EYS: variants seen among roughly 807,000 people sequenced by gnomAD.
EYS encodes the protein EGF-like photoreceptor maintenance factor, also known as protein eyes shut homolog.
In EYS, 250 loss-of-function variants were observed where a neutral mutation model predicts 282.1. The observed-to-expected ratio is 0.89, with a 90% CI of 0.80 to 0.98. EYS has a LOEUF of 0.98. Ranked by LOEUF, EYS falls within the 50% of genes least tolerant of loss-of-function variation. EYS has a pLI of 0.00. For missense variants in EYS, 4,016 were observed against 3,709.0 expected (o/e 1.08, Z -2.15); for synonymous variants, 1,355 against 1,282.9 (o/e 1.06, Z -1.20).
At position 65,005,304 on chromosome 6, in the gene EYS, G is replaced by A. The variant is rs542144885; in HGVS notation, c.2138-7601C>T. On this transcript the variant is annotated intron_variant, in intron 13 of 42. Coordinates refer to ENST00000503581, the MANE Select transcript of EYS (RefSeq NM_001142800.2). ...TAATCGAGCTGAACGCTAGTCACTG[G>A]GTTCCACGGTTCTCTTCCATGACCC... Among the ~76,000 whole-genome samples the A allele has an allele frequency of 7.1e-4, 105 of 147,940 alleles. 2 individuals carry two copies. Among genetic ancestry groups the A allele is most frequent in the African/African-American group, 2.4e-3 (98 of 41,326 alleles).
intron 5 of EYS, among the ~76,000 whole-genome samples, chr6:65,458,954 T>C (rs1764723345): frequency 6.6e-6 from 1 of 152,086 alleles, no homozygotes; most frequent in African/African-American, 2.4e-5. Flanking sequence ...TGTCACAACT[T>C]TGTAATGTAC....
intron 15 of EYS, among the ~76,000 whole-genome samples, chr6:64,936,976 T>C (rs972556810): frequency 2.8e-4 from 42 of 151,606 alleles, no homozygotes; most frequent in African/African-American, 9.4e-4. Context: ...ATAAATAGAA[T>C]AGAGGGTCTA....
intron 26 of EYS, among the ~76,000 whole-genome samples, chr6:64,567,003 G>A (rs1765586484): frequency 6.6e-6 from 1 of 152,062 alleles, no homozygotes; most frequent in South Asian, 2.1e-4. Flanking sequence ...TTGAACTCCT[G>A]ACCTCAGGTG....
intron 13 of EYS, among the ~76,000 whole-genome samples, chr6:65,055,732 C>G (rs1027261287): frequency 1.3e-5 from 2 of 151,906 alleles, no homozygotes; most frequent in African/African-American, 4.8e-5. Flanking sequence ...TTTTTGATGA[C>G]TAGACTCAGA....
chr6:65,452,459 G>A (rs1286313234), intron 5 of EYS, among the ~76,000 whole-genome samples: 1 of 151,594 alleles, frequency 6.6e-6, no homozygotes, highest in Non-Finnish European at 1.5e-5. Context: ...CACTAAGGTA[G>A]GATTAATTAA....
chr6:65,271,761 T>C (rs1333549813), intron 12 of EYS, among the ~76,000 whole-genome samples: 1 of 151,958 alleles, frequency 6.6e-6, no homozygotes, highest in African/African-American at 2.4e-5. Context: ...TTTTTGTATT[T>C]TTAGTAGAGA....
intron 12 of EYS, among the ~76,000 whole-genome samples, chr6:65,200,334 G>T (rs1765871462): frequency 6.6e-6 from 1 of 151,626 alleles, no homozygotes; most frequent in East Asian, 1.9e-4. Flanking sequence ...AATGCAATCT[G>T]TTGGGCAGGA....
At chr6:64,748,044 C>A (rs1482522027) in intron 22 of EYS, among the ~76,000 whole-genome samples, 1 of 152,122 alleles carries the variant, frequency 6.6e-6, no homozygotes, top group African/African-American at 2.4e-5. Context: ...TAAATGTCAT[C>A]AAGAATACAG....
intron 2 of EYS, among the ~76,000 whole-genome samples, chr6:65,501,935 G>T (rs1766468985): frequency 6.6e-6 from 1 of 151,442 alleles, no homozygotes; most frequent in Non-Finnish European, 1.5e-5. Flanking sequence ...AACAGAGCTG[G>T]TTTTATAAAA....
At chr6:65,180,354 A>C (rs1197353189) in intron 12 of EYS, among the ~76,000 whole-genome samples, 1 of 152,174 alleles carries the variant, frequency 6.6e-6, no homozygotes, top group Non-Finnish European at 1.5e-5. Context: ...CAACTTCAGC[A>C]AAGTCTCAGG....
intron 1 of EYS, among the ~76,000 whole-genome samples, chr6:65,697,607 A>G (rs536285325): frequency 6.6e-6 from 1 of 152,268 alleles, no homozygotes; most frequent in Admixed American, 6.5e-5. Flanking sequence ...GCTTAAAAAT[A>G]GAAGAAAATA....
intron 12 of EYS, among the ~76,000 whole-genome samples, chr6:65,217,271 T>C (rs1339795607): frequency 2.0e-5 from 3 of 152,134 alleles, no homozygotes; most frequent in Middle Eastern, 3.2e-3. Context: ...TTAACCTGAA[T>C]AAATTTAAGA....
chr6:65,169,730 GC>G (rs1418786878), intron 12 of EYS, among the ~76,000 whole-genome samples: 1 of 151,344 alleles, frequency 6.6e-6, no homozygotes, highest in Non-Finnish European at 1.5e-5. Flanking sequence ...CCAAACTTAT[GC>G]TAAATAAATT....
At chr6:65,329,689 T>A (rs937453870) in intron 11 of EYS, 1 of 981,158 alleles carries the variant, frequency 1.0e-6, no homozygotes, top group African/African-American at 1.8e-5. Context: ...AACTTGTTAA[T>A]AAAATCACGG....
intron 26 of EYS, among the ~76,000 whole-genome samples, chr6:64,581,129 C>T (rs967031840): frequency 3.3e-5 from 5 of 151,486 alleles, no homozygotes; most frequent in African/African-American, 9.7e-5. Flanking sequence ...AGACAAATTG[C>T]GGAATAAAGG....
intron 12 of EYS, among the ~76,000 whole-genome samples, chr6:65,114,105 C>T (rs1775297785): frequency 6.6e-6 from 1 of 151,742 alleles, no homozygotes; most frequent in Non-Finnish European, 1.5e-5. Flanking sequence ...ATATTTAATA[C>T]AAATAAAACA....
At chr6:64,079,188 C>A (rs925497444) in intron 32 of EYS, among the ~76,000 whole-genome samples, 30 of 151,962 alleles carry the variant, frequency 2.0e-4, no homozygotes, top group African/African-American at 7.2e-4. Context: ...GTATAAAAAA[C>A]AAGTTTTTCT....
chr6:63,864,099 A>C, intron 36 of EYS, 87 bp downstream of exon 36: 4 of 1,231,410 alleles, frequency 3.2e-6, no homozygotes, highest in Non-Finnish European at 4.3e-6. Context: ...TGATCAGTCA[A>C]GTGCTATCCT....
chr6:65,687,404 G>T (rs1472905842), intron 1 of EYS, among the ~76,000 whole-genome samples: 1 of 151,980 alleles, frequency 6.6e-6, no homozygotes, highest in Non-Finnish European at 1.5e-5. Flanking sequence ...ATAATTTAGG[G>T]ACATATCAAG....
Sources: allele counts gnomAD v4.1 joint callset (sites outside exome capture counted in the v4.1 genomes callset), GRCh38; gene constraint gnomAD v4.1.1; transcripts MANE v1.5; gene names NCBI Gene and HGNC (gene_info 2026-07-23, HGNC 2026-07-21).